Variants in ZFYVE16 observed in about 807,000 individuals in gnomAD.
The protein encoded by ZFYVE16 is zinc finger FYVE domain-containing protein 16.
A neutral mutation model predicts 138.1 loss-of-function variants in ZFYVE16; 89 were observed. The observed-to-expected ratio is 0.64, with a 90% CI of 0.54 to 0.77. ZFYVE16 has a LOEUF of 0.77. ZFYVE16 is among the 30% of genes least tolerant of loss of function. The probability of loss-of-function intolerance (pLI) is 0.00; values close to 1 mark genes in which losing one functional copy is unlikely to be tolerated. For synonymous variants in ZFYVE16, 596 were observed against 618.3 expected, an observed-to-expected ratio of 0.96 and a Z score of 0.53; for missense variants, 1,793 against 1,786.7, an observed-to-expected ratio of 1.00 and a Z score of -0.06.
At chr5:80,431,985 A>G (rs1172191830) in intron 2 of ZFYVE16, among the ~76,000 whole-genome samples, 1 of 152,234 alleles carries the variant, frequency 6.6e-6, no homozygotes, top group Non-Finnish European at 1.5e-5. Flanking sequence ...GGGAGAATCA[A>G]TATCGTGAAA....
At position 80,451,513 on chromosome 5, in the gene ZFYVE16, T is replaced by G. The variant is rs1316704324; in HGVS notation, c.3411T>G (p.Ile1137Met). 1 of 1,612,656 alleles carries G rather than the reference T, an allele frequency of 6.2e-7. No homozygotes were observed. Among genetic ancestry groups the G allele is most frequent in the African/African-American group, 1.3e-5 (1 of 74,988 alleles). Residue 1137 changes from isoleucine to methionine, a missense_variant, in exon 11 of 19, where the codon ATT (isoleucine) becomes ATG (methionine). Coordinates refer to ENST00000505560, the MANE Select transcript of ZFYVE16 (RefSeq NM_001284236.3). The part of the protein sequence containing the change: ...KGKYIENLDN[I>M]TFTESFLSSK... The stretch of plus-strand genomic sequence containing the variant: ...AATACATAGAAAACTTGGACAATAT[T>G]ACCTTTACTGAGAGTTTTCTCAGTA...
At chr5:80,440,935 A>G (rs981935343) in intron 5 of ZFYVE16, 1 of 985,166 alleles carries the variant, frequency 1.0e-6, no homozygotes, top group Non-Finnish European at 1.2e-6. Flanking sequence ...AAAAGCTCTG[A>G]TGTGAGTCTG....
intron 1 of ZFYVE16, among the ~76,000 whole-genome samples, chr5:80,412,404 A>T (rs1433084394): frequency 6.6e-6 from 1 of 152,136 alleles, no homozygotes; most frequent in African/African-American, 2.4e-5. Flanking sequence ...AGTATATCTT[A>T]TATTTCTTTT....
intron 2 of ZFYVE16, among the ~76,000 whole-genome samples, chr5:80,433,645 C>A (rs968222208): frequency 6.6e-6 from 1 of 151,538 alleles, no homozygotes; most frequent in Non-Finnish European, 1.5e-5. Flanking sequence ...GACATGTAAA[C>A]CCTGCTGAAA....
chr5:80,454,836 A>T (rs1009579934), intron 11 of ZFYVE16: 2 of 152,138 alleles, frequency 1.3e-5, no homozygotes, highest in African/African-American at 4.8e-5. Flanking sequence ...ATCATGCTGA[A>T]CCAAGAACTT....
intron 2 of ZFYVE16, among the ~76,000 whole-genome samples, chr5:80,428,900 T>G (rs1748554908): frequency 6.6e-6 from 1 of 152,060 alleles, no homozygotes; most frequent in Non-Finnish European, 1.5e-5. Context: ...AAGAGAAGTT[T>G]AGAGAAAAAA....
intron 18 of ZFYVE16, among the ~76,000 whole-genome samples, chr5:80,475,274 C>A (rs933524198): frequency 6.6e-6 from 1 of 152,202 alleles, no homozygotes; most frequent in Non-Finnish European, 1.5e-5. Context: ...TCTATATGTA[C>A]ATGATTTAAA....
rs1164464020 is a variant in ZFYVE16, at chr5:80,481,150, T to C, written c.*3773T>C. 6.6e-6 allele frequency among the ~76,000 whole-genome samples: 1 copy of C among 152,126 alleles called. No individual in the cohort carries two copies. Among genetic ancestry groups the C allele is most frequent in the African/African-American group, 2.4e-5 (1 of 41,432 alleles). ...GACTTGGAACCTTCTGGACTTTCCT[T>C]GCTCTACATCAATCCCGCAGCAGTA... On this transcript the variant is annotated 3_prime_UTR_variant, in exon 19 of 19. Coordinates refer to ENST00000505560, the MANE Select transcript of ZFYVE16 (RefSeq NM_001284236.3).
In ZFYVE16 at chr5:80,437,133, T is replaced by C. The variant is rs1427224587; in HGVS notation, c.448T>C (p.Leu150=). ...TAGTGAAGAAGATATTAAAAAATTA[T>C]TGCCAGATGATTTTAAGTCTAATGC... ...TNSEEDIKKL[L]PDDFKSNADS... is the part of the protein sequence containing the mutation. The change falls in exon 4 of 19, where the codon TTG becomes CTG. Residue 150 remains leucine, a synonymous_variant. Coordinates refer to ENST00000505560, the MANE Select transcript of ZFYVE16 (RefSeq NM_001284236.3). The C allele has an allele frequency of 1.1e-5, 17 of 1,613,968 alleles. No homozygotes were observed. The East Asian group carries it at 3.6e-4, about 34-fold the overall frequency.
At chr5:80,474,624 T>C in intron 17 of ZFYVE16, 39 bp from the exon 18 acceptor site, 3 of 1,562,462 alleles carry the variant, frequency 1.9e-6, no homozygotes, top group Non-Finnish European at 2.6e-6. Flanking sequence ...TTAAAGTTAC[T>C]TTTAATCATG....
intron 15 of ZFYVE16, among the ~76,000 whole-genome samples, chr5:80,467,620 C>T (rs570716227): frequency 6.6e-6 from 1 of 152,248 alleles, no homozygotes; most frequent in African/African-American, 2.4e-5. Flanking sequence ...CAACAAACAG[C>T]AACAAAAACA....
At chr5:80,451,038 C>G (rs1241592944) in intron 10 of ZFYVE16, among the ~76,000 whole-genome samples, 2 of 152,140 alleles carry the variant, frequency 1.3e-5, no homozygotes, top group Non-Finnish European at 2.9e-5. Flanking sequence ...TCTAGAACTT[C>G]TGACCTCAAG....
rs986890141 is a variant in ZFYVE16 at position 80,477,987 on chromosome 5, T to G, written c.*610T>G. 1.3e-5 allele frequency: 2 copies of G among 152,154 alleles called. No individual in the cohort carries two copies. Among genetic ancestry groups the G allele is most frequent in the African/African-American group, 2.4e-5 (1 of 41,466 alleles). The allele number at this position is 152,154 out of a possible 1,614,324, so 9.4% of individuals were successfully genotyped here. A position where few individuals can be genotyped will look rare whatever the true frequency, so the allele number is the denominator to read the frequency against. ...CTCAAATTATTACATATGTATGTAT[T>G]ATATATCCACATATATAGTTTTCCC... is the stretch of plus-strand genomic sequence containing the variant. On this transcript the variant is annotated 3_prime_UTR_variant, in exon 19 of 19. Coordinates refer to ENST00000505560, the MANE Select transcript of ZFYVE16 (RefSeq NM_001284236.3).
chr5:80,411,070 C>T (rs541302577), intron 1 of ZFYVE16, among the ~76,000 whole-genome samples: 3 of 149,826 alleles, frequency 2.0e-5, no homozygotes, highest in Non-Finnish European at 4.4e-5. Context: ...GGGGTTCAAG[C>T]GATTCTCCTG....
At chr5:80,447,262 A>G (rs1167107025) in intron 7 of ZFYVE16, among the ~76,000 whole-genome samples, 6 of 70,374 alleles carry the variant, frequency 8.5e-5, no homozygotes, top group Non-Finnish European at 1.9e-4. Context: ...GTGAGACTCC[A>G]TCTCAAAAAA....
At chr5:80,450,679 T>C (rs1428224926) in intron 10 of ZFYVE16, 93 bp downstream of exon 10, 7 of 1,246,080 alleles carry the variant, frequency 5.6e-6, no homozygotes, top group Non-Finnish European at 1.1e-6. Flanking sequence ...ATACTAAAGA[T>C]TTATTTCTGT....
chr5:80,467,052 G>GT (rs1753820958), intron 15 of ZFYVE16, among the ~76,000 whole-genome samples: 1 of 152,150 alleles, frequency 6.6e-6, no homozygotes, highest in African/African-American at 2.4e-5. Context: ...TTCTCAGGTG[G>GT]TTCCCTGGAA....
chr5:80,415,182 T>C (rs1452811137), intron 1 of ZFYVE16, among the ~76,000 whole-genome samples: 1 of 152,240 alleles, frequency 6.6e-6, no homozygotes, highest in African/African-American at 2.4e-5. Flanking sequence ...AACACCTTGA[T>C]TGCATTTTTA....
At chr5:80,420,747 A>G (rs1276298281) in intron 1 of ZFYVE16, among the ~76,000 whole-genome samples, 4 of 152,206 alleles carry the variant, frequency 2.6e-5, no homozygotes, top group Non-Finnish European at 4.4e-5. Flanking sequence ...ATAGTGCCGC[A>G]ATAAACATAT....
Sources: gnomAD v4.1 joint callset for allele counts (sites outside exome capture counted in the v4.1 genomes callset) on GRCh38, gnomAD v4.1.1 for gene constraint, MANE v1.5 for transcripts, NCBI Gene and HGNC (gene_info 2026-07-23, HGNC 2026-07-21) for gene names.